The following DST variants were observed in gnomAD, a reference collection of about 807,000 sequenced individuals.
DST encodes bullous pemphigoid antigen.
DST carries 253 observed loss-of-function variants against 875.2 expected under a neutral mutation model. The ratio of observed to expected loss-of-function variants is 0.29; its 90% CI spans 0.26 to 0.32. The LOEUF (loss-of-function observed/expected upper bound fraction) is 0.32. Among genes scored for constraint, DST ranks in the 10% least tolerant of loss-of-function variants. The pLI is 1.00. For synonymous variants in DST, 3,124 were observed against 3,197.1 expected (o/e 0.98, Z 0.77); for missense variants, 8,287 against 9,111.6 (o/e 0.91, Z 3.68).
At chr6:56,638,051 G>A (rs2098843329) in intron 22 of DST, among the ~76,000 whole-genome samples, 2 of 152,040 alleles carry the variant, frequency 1.3e-5, no homozygotes, top group Admixed American at 1.3e-4. Context: ...CACAGGACAG[G>A]CCGATGGGAT....
At chr6:56,486,302 G>T (rs1023190390) in intron 87 of DST, among the ~76,000 whole-genome samples, 1 of 142,550 alleles carries the variant, frequency 7.0e-6, no homozygotes, top group Non-Finnish European at 1.5e-5. Flanking sequence ...GGCAGAGCTC[G>T]CAGTGAGCCG....
chr6:56,624,330 G>C, intron 36 of DST, 200 bp downstream of exon 36: 1 of 663,872 alleles, frequency 1.5e-6, no homozygotes, highest in South Asian at 1.7e-5. Context: ...CTTTCTATTT[G>C]AATGAATCTT....
chr6:56,490,456 G>A (rs964886523), intron 85 of DST, among the ~76,000 whole-genome samples: 1 of 152,072 alleles, frequency 6.6e-6, no homozygotes, highest in Non-Finnish European at 1.5e-5. Flanking sequence ...TAAATCTATT[G>A]TATACCAAAG....
chr6:56,871,556 A>G (rs1777110847), intron 3 of DST: 6 of 1,062,854 alleles, frequency 5.6e-6, no homozygotes, highest in Non-Finnish European at 8.7e-6. Context: ...TAAACAAAGC[A>G]CCTAAGACAC....
chr6:56,899,983 A>G (rs958186722), intron 3 of DST, among the ~76,000 whole-genome samples: 3 of 152,206 alleles, frequency 2.0e-5, no homozygotes, highest in African/African-American at 7.2e-5. Context: ...CTGGCTCAAG[A>G]GCCTCCAGGA....
At chr6:56,683,779 C>T (rs2099167888) in intron 9 of DST, among the ~76,000 whole-genome samples, 1 of 152,176 alleles carries the variant, frequency 6.6e-6, no homozygotes, top group African/African-American at 2.4e-5. Context: ...TCCAATTAAC[C>T]TCACTTTCCG....
chr6:56,851,783 C>G (rs949647558), intron 3 of DST, 179 bp from the exon 4 acceptor site: 11 of 1,551,552 alleles, frequency 7.1e-6, no homozygotes, highest in Admixed American at 2.0e-5. Context: ...AAACCCGGAG[C>G]TCACCATCTT....
chr6:56,537,026 T>C, intron 61 of DST, 86 bp from the exon 62 acceptor site: 1 of 1,212,550 alleles, frequency 8.2e-7, no homozygotes, highest in Non-Finnish European at 1.2e-6. Flanking sequence ...GGCATCAGGT[T>C]GTGGAAACCA....
intron 4 of DST, among the ~76,000 whole-genome samples, chr6:56,806,431 G>C (rs1005989592): frequency 3.2e-4 from 49 of 152,240 alleles, no homozygotes; most frequent in African/African-American, 1.2e-3. Context: ...AAAATCAAAG[G>C]AAGACTGGAC....
intron 49 of DST, among the ~76,000 whole-genome samples, chr6:56,586,801 G>C (rs902286413): frequency 2.0e-5 from 3 of 152,132 alleles, no homozygotes; most frequent in African/African-American, 7.2e-5. Flanking sequence ...AGGCAAACAG[G>C]GTCTGGAGTG....
intron 4 of DST, among the ~76,000 whole-genome samples, chr6:56,738,466 A>G (rs1255070551): frequency 6.6e-6 from 1 of 152,032 alleles, no homozygotes; most frequent in African/African-American, 2.4e-5. Context: ...GACTACAGGC[A>G]TGTGCCACCA....
In DST at chr6:56,501,622, T is replaced by C; in HGVS notation, c.19638A>G (p.Leu6546=). The stretch of plus-strand genomic sequence containing the variant: ...TGTCACTCTCTTCTGTTACTTTCTT[T>C]AGCAAAAGCTCTGCTTGATGATTCA... ...ERLNHQAELL[L]KKVTEESDKH... The change falls in exon 79 of 104, where the codon CTA becomes CTG. Residue 6546 remains leucine (L), a synonymous_variant. Transcript: ENST00000680361. 4.3e-6 allele frequency: 7 copies of C among 1,609,490 alleles called. No individual in the cohort carries two copies. Among genetic ancestry groups the C allele is most frequent in the Non-Finnish European group, 4.2e-6 (5 of 1,178,010 alleles).
intron 36 of DST, among the ~76,000 whole-genome samples, chr6:56,623,219 CT>C (rs1467194271): frequency 1.4e-4 from 21 of 152,162 alleles, no homozygotes; most frequent in Non-Finnish European, 2.8e-4. Context: ...AGCATTCTGC[CT>C]CATCAGATAA....
At chr6:56,931,683 T>C (rs1810294508) in intron 2 of DST, among the ~76,000 whole-genome samples, 1 of 152,222 alleles carries the variant, frequency 6.6e-6, no homozygotes, top group African/African-American at 2.4e-5. Context: ...GACCTGGATG[T>C]GAGACCTGGA....
intron 10 of DST, among the ~76,000 whole-genome samples, chr6:56,660,072 G>A (rs2099030919): frequency 6.6e-6 from 1 of 152,202 alleles, no homozygotes; most frequent in Non-Finnish European, 1.5e-5. Flanking sequence ...GAGAAAAGGT[G>A]GTGGGAGGAG....
At chr6:56,639,145 G>T in intron 22 of DST, 114 bp downstream of exon 22, 1 of 901,988 alleles carries the variant, frequency 1.1e-6, no homozygotes, top group South Asian at 1.4e-5. Context: ...TTCTGAGCCA[G>T]GTTTTAATAA....
At chr6:56,931,301 A>C (rs1216271816) in intron 2 of DST, among the ~76,000 whole-genome samples, 1 of 152,160 alleles carries the variant, frequency 6.6e-6, no homozygotes, top group African/African-American at 2.4e-5. Flanking sequence ...GAAGTCAAGA[A>C]TTTGGGTTTG....
At chr6:56,797,332 T>C (rs2099741107) in intron 4 of DST, among the ~76,000 whole-genome samples, 1 of 152,164 alleles carries the variant, frequency 6.6e-6, no homozygotes, top group South Asian at 2.1e-4. Context: ...AGTATTAAGA[T>C]TAGGCCAATT....
intron 4 of DST, among the ~76,000 whole-genome samples, chr6:56,735,689 G>A (rs981029640): frequency 2.6e-5 from 4 of 152,106 alleles, no homozygotes; most frequent in African/African-American, 9.7e-5. Flanking sequence ...CCATTTTGTA[G>A]AATAAGAAAC....
Sources: gnomAD v4.1 joint callset for allele counts (sites outside exome capture counted in the v4.1 genomes callset) on GRCh38, gnomAD v4.1.1 for gene constraint, MANE v1.5 for transcripts, NCBI Gene and HGNC (gene_info 2026-07-23, HGNC 2026-07-21) for gene names.